The following EYA2 variants were observed in gnomAD, a reference collection of about 807,000 sequenced individuals.
EYA2 encodes the protein EYA transcriptional coactivator and phosphatase 2.
In EYA2, 31 loss-of-function variants were observed where a neutral mutation model predicts 69.2. The ratio of observed to expected loss-of-function variants is 0.45; its 90% confidence interval spans 0.34 to 0.60. EYA2 has a LOEUF of 0.60. Among genes scored for constraint, EYA2 ranks in the 20% least tolerant of loss-of-function variants. The pLI, the probability that EYA2 is intolerant of heterozygous loss-of-function variation, is 0.02. For missense variants in EYA2, 622 were observed against 701.2 expected (o/e 0.89, Z 1.28); for synonymous variants, 257 against 279.4 (o/e 0.92, Z 0.80).
At chr20:47,055,401 A>G (rs564511879) in intron 5 of EYA2, among the ~76,000 whole-genome samples, 68 of 152,300 alleles carry the variant, frequency 4.5e-4, no homozygotes, top group African/African-American at 1.5e-3. Flanking sequence ...CACTGGGTGA[A>G]GGCAGATGGT....
chr20:47,137,281 G>C (rs964103791), intron 9 of EYA2, among the ~76,000 whole-genome samples: 1 of 152,154 alleles, frequency 6.6e-6, no homozygotes, highest in Non-Finnish European at 1.5e-5. Context: ...TGTACCAACT[G>C]ATGTGGGGTC....
At chr20:47,089,486 CT>C in intron 8 of EYA2, 105 bp downstream of exon 8, 1 of 1,339,056 alleles carries the variant, frequency 7.5e-7, no homozygotes, top group Non-Finnish European at 1.0e-6. Flanking sequence ...GAGAATCGCC[CT>C]TCGTGTTTTA....
Position 47,066,429 on chromosome 20 carries a change from C to CT in EYA2, c.416-5753dup, listed in dbSNP as rs369240201. Among the ~76,000 whole-genome samples the CT allele has an allele frequency of 4.8e-3, 728 of 152,278 alleles. 7 individuals are homozygous for CT. Among genetic ancestry groups the CT allele is most frequent in the African/African-American group, 0.017 (705 of 41,554 alleles). The stretch of plus-strand genomic sequence containing the variant: ...ACCAAAAATGGTAGCAGTTCTCTGC[C>CT]TTTGACAGAGACTCAAAATAGCAAT... On this transcript the variant is annotated intron_variant, in intron 5 of 15. Transcript: ENST00000327619.
chr20:46,907,421 C>T (rs1472217308), intron 1 of EYA2, among the ~76,000 whole-genome samples: 4 of 152,218 alleles, frequency 2.6e-5, no homozygotes, highest in African/African-American at 9.6e-5. Flanking sequence ...AAGCAGCAGC[C>T]TGTGGGAGGG....
At chr20:46,984,810 G>A (rs1981079051) in intron 1 of EYA2, among the ~76,000 whole-genome samples, 1 of 152,128 alleles carries the variant, frequency 6.6e-6, no homozygotes, top group Non-Finnish European at 1.5e-5. Context: ...GAAGATGAAT[G>A]GAGATGTTCA....
At chr20:46,902,997 A>C (rs1292805576) in intron 1 of EYA2, among the ~76,000 whole-genome samples, 2 of 152,226 alleles carry the variant, frequency 1.3e-5, no homozygotes, top group Non-Finnish European at 2.9e-5. Context: ...ATACCATTTC[A>C]ATGATTTATT....
chr20:47,135,157 C>T (rs985137549), intron 9 of EYA2, among the ~76,000 whole-genome samples: 1 of 135,792 alleles, frequency 7.4e-6, no homozygotes, highest in Non-Finnish European at 1.5e-5. Context: ...AAACAGACAA[C>T]AGGCCATAGT....
chr20:47,139,555 G>T (rs905135601), intron 9 of EYA2, among the ~76,000 whole-genome samples: 1 of 152,042 alleles, frequency 6.6e-6, no homozygotes, highest in Admixed American at 6.6e-5. Flanking sequence ...TCAGCCTCCC[G>T]AATAGCTGGG....
In EYA2 at chr20:46,991,341, T is replaced by C. The variant is rs115211966; in HGVS notation, c.109+1222T>C. Among the ~76,000 whole-genome samples, 1,268 of 152,328 alleles carry C rather than the reference T, an allele frequency of 8.3e-3. 17 individuals carry two copies. The highest frequency in any genetic ancestry group is 0.029 in the African/African-American group (1,209 of 41,568). ...ATGATCTCAGGCAAACTGTTTAACT[T>C]TTCTGAGCCTCAGTTTTCTCACCTG... On this transcript the variant is annotated intron_variant, in intron 2 of 15. Transcript: ENST00000327619.
intron 1 of EYA2, among the ~76,000 whole-genome samples, chr20:46,919,808 G>A (rs1203626674): frequency 6.6e-6 from 1 of 152,232 alleles, no homozygotes; most frequent in Non-Finnish European, 1.5e-5. Flanking sequence ...CTTTCGACAT[G>A]CCTTCCTCAC....
At chr20:46,931,402 T>G (rs1398932006) in intron 1 of EYA2, among the ~76,000 whole-genome samples, 1 of 152,216 alleles carries the variant, frequency 6.6e-6, no homozygotes, top group Non-Finnish European at 1.5e-5. Context: ...TTAAGTACGC[T>G]GGCGACATGG....
At chr20:46,912,409 G>C (rs1270776358) in intron 1 of EYA2, among the ~76,000 whole-genome samples, 1 of 152,086 alleles carries the variant, frequency 6.6e-6, no homozygotes, top group Non-Finnish European at 1.5e-5. Flanking sequence ...CCATGTGAAG[G>C]TTTCCCATGA....
intron 1 of EYA2, among the ~76,000 whole-genome samples, chr20:46,952,885 G>A (rs1300903076): frequency 6.6e-6 from 1 of 152,186 alleles, no homozygotes; most frequent in Non-Finnish European, 1.5e-5. Context: ...CAAAGTGAAG[G>A]TGTTTTGCCC....
At chr20:47,179,963 G>GCCACC in intron 13 of EYA2, 51 bp downstream of exon 13, 5 of 1,323,094 alleles carry the variant, frequency 3.8e-6, no homozygotes, top group Non-Finnish European at 5.4e-6. Context: ...TCTCGCAGTA[G>GCCACC]ACAGTGGTGG....
intron 1 of EYA2, among the ~76,000 whole-genome samples, chr20:46,977,729 G>A (rs1279527727): frequency 6.6e-6 from 1 of 152,188 alleles, no homozygotes; most frequent in Non-Finnish European, 1.5e-5. Context: ...AAAGGAAACT[G>A]AATTTGCCTT....
At chr20:47,084,907 C>T (rs1054239060) in intron 7 of EYA2, among the ~76,000 whole-genome samples, 3 of 149,112 alleles carry the variant, frequency 2.0e-5, no homozygotes, top group Admixed American at 1.3e-4. Context: ...GTGATCATAG[C>T]TCACTGCAGC....
chr20:47,142,065 G>A (rs2033608212), intron 9 of EYA2, among the ~76,000 whole-genome samples: 1 of 152,182 alleles, frequency 6.6e-6, no homozygotes, highest in Non-Finnish European at 1.5e-5. Flanking sequence ...TGTGTCAGCG[G>A]CTGGATGGTA....
At chr20:47,058,448 G>A (rs1453516746) in intron 5 of EYA2, among the ~76,000 whole-genome samples, 2 of 152,214 alleles carry the variant, frequency 1.3e-5, no homozygotes, top group Admixed American at 1.3e-4. Context: ...GGCCCACAAG[G>A]GGATGGGTGC....
chr20:46,917,000 A>G (rs1568665734), intron 1 of EYA2, among the ~76,000 whole-genome samples: 3 of 152,158 alleles, frequency 2.0e-5, no homozygotes, highest in African/African-American at 7.2e-5. Flanking sequence ...AAGGAGGAAA[A>G]AGAGTTCATT....
Sources: allele counts gnomAD v4.1 joint callset (sites outside exome capture counted in the v4.1 genomes callset), GRCh38; gene constraint gnomAD v4.1.1; transcripts MANE v1.5; gene names NCBI Gene and HGNC (gene_info 2026-07-23, HGNC 2026-07-21).